Variants in GMDS observed in about 807,000 individuals in gnomAD.
The protein encoded by GMDS is GDP-mannose 4,6 dehydratase.
Under a neutral mutation model 49.9 loss-of-function variants are expected in GMDS, and 20 were observed. The ratio of observed to expected loss-of-function variants is 0.40; its 90% confidence interval spans 0.28 to 0.58. The LOEUF (loss-of-function observed/expected upper bound fraction) is 0.58, where lower values mean the gene tolerates loss of function less well. Ranked by LOEUF, GMDS falls within the 20% of genes least tolerant of loss-of-function variation. The probability of loss-of-function intolerance (pLI) is 0.42; values close to 1 mark genes in which losing one functional copy is unlikely to be tolerated. For missense variants in GMDS, 362 were observed against 481.4 expected, an observed-to-expected ratio of 0.75 and a Z score of 2.32; for synonymous variants, 177 against 178.6, an observed-to-expected ratio of 0.99 and a Z score of 0.07.
chr6:1,803,882 A>T (rs936436418), intron 7 of GMDS, among the ~76,000 whole-genome samples: 3 of 152,222 alleles, frequency 2.0e-5, no homozygotes, highest in Admixed American at 6.5e-5. Flanking sequence ...TACAGGAAAT[A>T]TACAGTAAAG....
At chr6:2,097,036 C>G (rs1377521343) in intron 4 of GMDS, among the ~76,000 whole-genome samples, 1 of 151,128 alleles carries the variant, frequency 6.6e-6, no homozygotes, top group Non-Finnish European at 1.5e-5. Flanking sequence ...AATGTGAATT[C>G]AACAGGTATC....
chr6:1,909,403 G>C (rs1388921179), intron 7 of GMDS, among the ~76,000 whole-genome samples: 1 of 152,328 alleles, frequency 6.6e-6, no homozygotes, highest in Admixed American at 6.5e-5. Flanking sequence ...CAAAAGTATA[G>C]ACTATGTTCT....
At chr6:1,738,498 G>A (rs187112951) in intron 8 of GMDS, among the ~76,000 whole-genome samples, 10 of 152,262 alleles carry the variant, frequency 6.6e-5, no homozygotes, top group African/African-American at 2.2e-4. Flanking sequence ...AAGCCTTTTC[G>A]GAGAACATTA....
intron 7 of GMDS, among the ~76,000 whole-genome samples, chr6:1,901,978 C>T (rs1045910838): frequency 6.6e-6 from 1 of 152,152 alleles, no homozygotes; most frequent in African/African-American, 2.4e-5. Context: ...AAGGATACAG[C>T]TTTATTTAAA....
At chr6:1,967,199 T>G (rs1470082526) in intron 4 of GMDS, among the ~76,000 whole-genome samples, 9 of 152,192 alleles carry the variant, frequency 5.9e-5, no homozygotes, top group Non-Finnish European at 1.2e-4. Context: ...TCCTGCTTCA[T>G]TTCACGTTAA....
At chr6:1,686,508 A>G (rs1442679727) in intron 9 of GMDS, among the ~76,000 whole-genome samples, 1 of 152,200 alleles carries the variant, frequency 6.6e-6, no homozygotes, top group African/African-American at 2.4e-5. Context: ...GACTCTAGCA[A>G]GCACGCATCT....
chr6:1,702,018 T>A (rs1475000010), intron 9 of GMDS, among the ~76,000 whole-genome samples: 1 of 152,240 alleles, frequency 6.6e-6, no homozygotes, highest in Admixed American at 6.5e-5. Context: ...TGTGAGAGAT[T>A]CTTCTCAAAT....
At chr6:1,917,874 A>C (rs1761483065) in intron 7 of GMDS, among the ~76,000 whole-genome samples, 2 of 152,180 alleles carry the variant, frequency 1.3e-5, no homozygotes, top group Non-Finnish European at 2.9e-5. Context: ...CGGACCCAAG[A>C]ACAGGGATAT....
intron 4 of GMDS, among the ~76,000 whole-genome samples, chr6:1,992,247 G>A (rs1765994089): frequency 6.6e-6 from 1 of 152,092 alleles, no homozygotes; most frequent in African/African-American, 2.4e-5. Flanking sequence ...GCCCTTAACT[G>A]GGCACTCTGC....
At chr6:1,906,643 T>G (rs1760789992) in intron 7 of GMDS, among the ~76,000 whole-genome samples, 1 of 152,196 alleles carries the variant, frequency 6.6e-6, no homozygotes. Flanking sequence ...CCCAAAATGC[T>G]GGCCATTCAC....
At chr6:1,704,232 A>G (rs1441319415) in intron 9 of GMDS, among the ~76,000 whole-genome samples, 1 of 151,774 alleles carries the variant, frequency 6.6e-6, no homozygotes, top group Non-Finnish European at 1.5e-5. Context: ...AGCAATCAGA[A>G]GGAGAAAGAG....
intron 4 of GMDS, among the ~76,000 whole-genome samples, chr6:2,095,397 T>G (rs944483577): frequency 3.9e-5 from 6 of 152,224 alleles, no homozygotes; most frequent in Non-Finnish European, 8.8e-5. Context: ...ATTCTGTATT[T>G]TCCTGCAAAG....
chr6:2,156,570 T>C (rs191423847), intron 1 of GMDS, among the ~76,000 whole-genome samples: 1 of 152,286 alleles, frequency 6.6e-6, no homozygotes, highest in East Asian at 1.9e-4. Context: ...TTGATAACTA[T>C]TAAAATATTA....
chr6:2,058,121 G>A (rs1770885467), intron 4 of GMDS, among the ~76,000 whole-genome samples: 1 of 152,124 alleles, frequency 6.6e-6, no homozygotes, highest in Non-Finnish European at 1.5e-5. Context: ...CACTTTGGAA[G>A]GCCAAGGCAG....
chr6:1,797,352 C>T (rs559950136), intron 7 of GMDS, among the ~76,000 whole-genome samples: 1 of 152,288 alleles, frequency 6.6e-6, no homozygotes, highest in Non-Finnish European at 1.5e-5. Flanking sequence ...GTAAACTCCA[C>T]ATGTTAAAAA....
At chr6:1,929,132 G>A (rs1419599060) in intron 7 of GMDS, among the ~76,000 whole-genome samples, 1 of 152,200 alleles carries the variant, frequency 6.6e-6, no homozygotes, top group Non-Finnish European at 1.5e-5. Context: ...GATGGCAGGT[G>A]AGCCTCATCT....
At chr6:1,713,823 C>T (rs1299475024) in intron 9 of GMDS, among the ~76,000 whole-genome samples, 2 of 152,134 alleles carry the variant, frequency 1.3e-5, no homozygotes, top group African/African-American at 2.4e-5. Context: ...TTCACATCCT[C>T]ACTGTAAGTT....
At chr6:1,733,723 G>A (rs1488262611) in intron 8 of GMDS, among the ~76,000 whole-genome samples, 5 of 152,154 alleles carry the variant, frequency 3.3e-5, no homozygotes, top group Admixed American at 6.5e-5. Flanking sequence ...GTGGTGGTGT[G>A]CACCCATTGT....
intron 4 of GMDS, among the ~76,000 whole-genome samples, chr6:2,104,398 C>T (rs1340959320): frequency 6.6e-6 from 1 of 152,220 alleles, no homozygotes; most frequent in Admixed American, 6.5e-5. Context: ...GGCAGCTATG[C>T]TGATGGAGTC....
Sources: allele counts gnomAD v4.1 joint callset (sites outside exome capture counted in the v4.1 genomes callset), GRCh38; gene constraint gnomAD v4.1.1; transcripts MANE v1.5; gene names NCBI Gene and HGNC (gene_info 2026-07-23, HGNC 2026-07-21).